The following NYAP2 variants were observed in gnomAD, a reference collection of about 807,000 sequenced individuals.
The protein encoded by NYAP2 is neuronal tyrosine-phosphorylated phosphoinositide-3-kinase adaptor 2, also known as neuronal tyrosine-phosphorylated phosphoinositide-3-kinase adapter 2.
NYAP2 carries 23 observed loss-of-function variants against 50.4 expected under a neutral mutation model. The observed-to-expected ratio is 0.46, with a 90% CI of 0.33 to 0.65. The LOEUF (loss-of-function observed/expected upper bound fraction) is 0.65. Ranked by LOEUF, NYAP2 falls within the 30% of genes least tolerant of loss-of-function variation. NYAP2 has a pLI of 0.02. For synonymous variants in NYAP2, 394 were observed against 365.2 expected, an observed-to-expected ratio of 1.08 and a Z score of -0.90; for missense variants, 885 against 861.0, an observed-to-expected ratio of 1.03 and a Z score of -0.35.
chr2:225,582,420 C>A lies in NYAP2; in HGVS notation c.1003C>A (p.Pro335Thr). The A allele has an allele frequency of 6.3e-7, 1 of 1,598,856 alleles. No homozygotes were observed. The highest frequency in any genetic ancestry group is 8.5e-7 in the Non-Finnish European group (1 of 1,170,114). The change falls in exon 5 of 7, where the codon CCG becomes ACG. Residue 335 changes from proline to threonine, a missense_variant. Coordinates refer to ENST00000636099, the Ensembl canonical transcript of NYAP2. This position sits in a 1 kb window ranked among gnomAD's most constrained non-coding sequence, Gnocchi z 7.0. Reference sequence around the variant, plus strand: ...CCCCAACCTGCTTTCTCACAGACCCCCGCTGCTGGTATTTCCCCCCGCCCC... The same window carrying A: ...CCCCAACCTGCTTTCTCACAGACCCACGCTGCTGGTATTTCCCCCCGCCCC...
the NYAP2 span, among the ~76,000 whole-genome samples, chr2:225,674,552 C>CA: frequency 9.9e-5 from 15 of 152,142 alleles, no homozygotes; most frequent in Middle Eastern, 3.4e-3. Flanking sequence ...AGAAGCTAGA[C>CA]ACATGCAAAG....
At chr2:225,556,296 T>C (rs1292077876) in intron 4 of NYAP2, among the ~76,000 whole-genome samples, 1 of 152,236 alleles carries the variant, frequency 6.6e-6, no homozygotes, top group Non-Finnish European at 1.5e-5. Context: ...CAATATAGCA[T>C]ATACAGGTAT....
intron 4 of NYAP2, among the ~76,000 whole-genome samples, chr2:225,566,529 T>C (rs926099492): frequency 3.3e-5 from 5 of 152,248 alleles, no homozygotes; most frequent in Non-Finnish European, 7.3e-5. Context: ...AATATCCCCC[T>C]GGGTTGAATC....
intron 3 of NYAP2, among the ~76,000 whole-genome samples, chr2:225,455,460 C>T (rs954948917): frequency 1.3e-5 from 2 of 152,112 alleles, no homozygotes; most frequent in African/African-American, 4.8e-5. Context: ...TAGTGGCTCC[C>T]CTTCAATATA....
chr2:225,621,068 C>T lies in NYAP2; in HGVS notation c.1619-5849C>T, dbSNP rs561344351. 4.1e-5 allele frequency among the ~76,000 whole-genome samples: 6 copies of T among 145,266 alleles called. No individual in the cohort carries two copies. In the South Asian group the frequency reaches 1.1e-3, roughly 26 times the overall value. On this transcript the variant is annotated intron_variant, in intron 5 of 6. Transcript: ENST00000636099. Reference sequence around the variant, plus strand: ...GGCGGAGCTTGCGGTGAGCTGAGATCGTGCCACTGCACTCCAGCCTGGGCG... The same window carrying T: ...GGCGGAGCTTGCGGTGAGCTGAGATTGTGCCACTGCACTCCAGCCTGGGCG...
intron 4 of NYAP2, among the ~76,000 whole-genome samples, chr2:225,547,253 C>T (rs938662491): frequency 1.3e-5 from 2 of 152,134 alleles, no homozygotes; most frequent in African/African-American, 4.8e-5. Context: ...GGGTGAGTCC[C>T]AGGCCTAGCA....
At chr2:225,632,637 G>A (rs2106261105) in intron 6 of NYAP2, among the ~76,000 whole-genome samples, 1 of 152,358 alleles carries the variant, frequency 6.6e-6, no homozygotes, top group African/African-American at 2.4e-5. Flanking sequence ...CCCACAGGGT[G>A]ATTCTTGAAG....
At chr2:225,465,959 T>C (rs949274856) in intron 3 of NYAP2, among the ~76,000 whole-genome samples, 1 of 152,132 alleles carries the variant, frequency 6.6e-6, no homozygotes, top group Non-Finnish European at 1.5e-5. Flanking sequence ...AAATCCACAC[T>C]CTTAAGAAGC....
chr2:225,437,513 A>G (rs933459537), intron 3 of NYAP2, among the ~76,000 whole-genome samples: 8 of 152,158 alleles, frequency 5.3e-5, no homozygotes, highest in Non-Finnish European at 1.2e-4. Context: ...CTGCTTGTAG[A>G]TCACAATTGT....
In NYAP2 at chr2:225,582,308, T is replaced by C. The variant is rs1327347073; in HGVS notation, c.891T>C (p.Ala297=). 4 of 1,614,016 alleles carry C rather than the reference T, an allele frequency of 2.5e-6. No homozygotes were observed. In the South Asian group the frequency reaches 4.4e-5, roughly 18 times the overall value. ...ATCACAGCTGTTCTTCGCAGTGTGC[T>C]ACTCCCACGGTGCCTGACTTGGACT... Residue 297 remains alanine, a synonymous_variant, in exon 5 of 7, where the codon GCT becomes GCC. Transcript: ENST00000636099. The surrounding 1 kb of genome is among the most constrained non-coding windows in gnomAD (Gnocchi z 7.0).
chr2:225,511,224 G>A (rs1437469249), intron 3 of NYAP2, among the ~76,000 whole-genome samples: 1 of 151,806 alleles, frequency 6.6e-6, no homozygotes, highest in Non-Finnish European at 1.5e-5. Context: ...TACCAAGACT[G>A]CCCCTCACGT....
chr2:225,450,653 A>T (rs1689635055), intron 3 of NYAP2, among the ~76,000 whole-genome samples: 1 of 152,200 alleles, frequency 6.6e-6, no homozygotes, highest in African/African-American at 2.4e-5. Flanking sequence ...ATGACCAGTG[A>T]ATTTGTGCAT....
chr2:225,514,375 T>A (rs1170982966), intron 4 of NYAP2, among the ~76,000 whole-genome samples: 1 of 152,232 alleles, frequency 6.6e-6, no homozygotes, highest in Non-Finnish European at 1.5e-5. Flanking sequence ...AAGTGTGCCT[T>A]GACACAAGCT....
intron 4 of NYAP2, among the ~76,000 whole-genome samples, chr2:225,528,552 A>G (rs757882538): frequency 2.0e-5 from 3 of 152,244 alleles, no homozygotes; most frequent in Non-Finnish European, 4.4e-5. Context: ...TACTGACACT[A>G]AAATGATATT....
chr2:225,553,443 A>G (rs140564252), intron 4 of NYAP2, among the ~76,000 whole-genome samples: 1 of 152,348 alleles, frequency 6.6e-6, no homozygotes, highest in African/African-American at 2.4e-5. Flanking sequence ...GAGGAGCAAA[A>G]GCTGAATAAC....
At chr2:225,410,276 A>G (rs1029691362) in intron 3 of NYAP2, among the ~76,000 whole-genome samples, 3 of 152,116 alleles carry the variant, frequency 2.0e-5, no homozygotes, top group Admixed American at 1.3e-4. Context: ...AGGTATAGAA[A>G]TTGCATAATT....
At chr2:225,572,753 TGGCTTCA>T (rs1692096648) in intron 4 of NYAP2, among the ~76,000 whole-genome samples, 1 of 152,190 alleles carries the variant, frequency 6.6e-6, no homozygotes, top group Admixed American at 6.5e-5. Flanking sequence ...ATGTATGTAG[TGGCTTCA>T]GGCTCTACTA....
At chr2:225,561,444 T>G (rs529710943) in intron 4 of NYAP2, among the ~76,000 whole-genome samples, 7 of 152,106 alleles carry the variant, frequency 4.6e-5, no homozygotes, top group African/African-American at 1.4e-4. Context: ...CGGGCAAGGG[T>G]TAGTCAACTC....
At chr2:225,518,773 CT>C (rs1372085998) in intron 4 of NYAP2, among the ~76,000 whole-genome samples, 1 of 151,442 alleles carries the variant, frequency 6.6e-6, no homozygotes, top group Non-Finnish European at 1.5e-5. Context: ...AATCCCAGCA[CT>C]TTAGGAGGCC....
Sources: gnomAD v4.1 joint callset for allele counts (sites outside exome capture counted in the v4.1 genomes callset) on GRCh38, gnomAD v4.1.1 for gene constraint, Gnocchi (gnomAD v3.1) non-coding constraint, MANE v1.5 for transcripts, NCBI Gene and HGNC (gene_info 2026-07-23, HGNC 2026-07-21) for gene names.